Variants in CERS5 observed in about 807,000 individuals in gnomAD.
CERS5 encodes the protein ceramide synthase 5.
CERS5 carries 37 observed loss-of-function variants against 58.9 expected under a neutral mutation model. The observed-to-expected ratio is 0.63, with a 90% CI of 0.48 to 0.83. The LOEUF (loss-of-function observed/expected upper bound fraction) is 0.83, where lower values mean the gene tolerates loss of function less well. CERS5 is among the 40% of genes least tolerant of loss of function. The probability of loss-of-function intolerance (pLI) is 0.00; values close to 1 mark genes in which losing one functional copy is unlikely to be tolerated. For synonymous variants in CERS5, 147 were observed against 177.8 expected (o/e 0.83, Z 1.38); for missense variants, 398 against 489.3 (o/e 0.81, Z 1.76).
At position 50,130,169 on chromosome 12, in the gene CERS5, G is replaced by GAA. The variant is rs1157173444; in HGVS notation, c.*374_*375dup. ...AAGAGCCAAGGGCAAAAAAGAAGGA[G>GAA]AAGTCTGGAGTTGGCATAATTCAAG... is the stretch of plus-strand genomic sequence containing the variant. On this transcript the variant is annotated 3_prime_UTR_variant, in exon 10 of 10. Transcript: ENST00000317551. 1 of 169,740 alleles carries GAA rather than the reference G, an allele frequency of 5.9e-6. No individual in the cohort carries two copies. Among genetic ancestry groups the GAA allele is most frequent in the African/African-American group, 2.4e-5 (1 of 42,054 alleles). The allele number at this position is 169,740 out of a possible 1,614,324, so 10.5% of individuals were successfully genotyped here. A position where few individuals can be genotyped will look rare whatever the true frequency, so the allele number is the denominator to read the frequency against.
intron 1 of CERS5, among the ~76,000 whole-genome samples, chr12:50,158,117 G>A (rs571098442): frequency 8.1e-5 from 12 of 148,092 alleles, no homozygotes; most frequent in Non-Finnish European, 1.8e-4. Context: ...AGGAATGCAT[G>A]TAGATTGTAT....
rs1197474516 is a variant in CERS5 at position 50,156,437 on chromosome 12, T to TATAA, written c.197+10663_197+10664insTTAT. ...CAAACAAACTATATATATATATATA[T>TATAA]AAAACAATTAGTAGCCAGGTGTGGT... On this transcript the variant is annotated intron_variant, in intron 1 of 9. Coordinates refer to ENST00000317551, the MANE Select transcript of CERS5 (RefSeq NM_147190.5). Among the ~76,000 whole-genome samples the TATAA allele has an allele frequency of 6.4e-5, 7 of 108,854 alleles. 1 individual carries two copies. Among genetic ancestry groups the TATAA allele is most frequent in the East Asian group, 2.2e-4 (1 of 4,578 alleles). The allele number at this position is 108,854 out of a possible 152,430, so 71.4% of individuals were successfully genotyped here. A position where few individuals can be genotyped will look rare whatever the true frequency, so the allele number is the denominator to read the frequency against.
chr12:50,134,357 G>A (rs752965278), intron 9 of CERS5, 189 bp downstream of exon 9: 4 of 1,468,074 alleles, frequency 2.7e-6, no homozygotes, highest in Non-Finnish European at 3.6e-6. Context: ...CTGGGTGACA[G>A]AGCAAGACCT....
Position 50,129,576 on chromosome 12 carries a change from G to C in CERS5, c.*969C>G, listed in dbSNP as rs2137962963. On this transcript the variant is annotated 3_prime_UTR_variant, in exon 10 of 10. Coordinates refer to ENST00000317551, the MANE Select transcript of CERS5 (RefSeq NM_147190.5). ...GCTGGAGTGCAGTGGCACGATCTTG[G>C]CTCGCTGCAACCTCTGCCTCCCAGG... The C allele has an allele frequency of 6.8e-6, 1 of 147,550 alleles. No homozygotes were observed. Among genetic ancestry groups the C allele is most frequent in the South Asian group, 2.2e-4 (1 of 4,624 alleles). 9.1% of individuals were successfully genotyped at this position (147,550 alleles called of 1,614,324 possible). A position where few individuals can be genotyped will look rare whatever the true frequency, so the allele number is the denominator to read the frequency against.
At chr12:50,146,491 G>A (rs1221467738) in intron 1 of CERS5, among the ~76,000 whole-genome samples, 3 of 152,150 alleles carry the variant, frequency 2.0e-5, no homozygotes, top group African/African-American at 7.2e-5. Context: ...CTCACATCCT[G>A]CCCTCGTTAG....
intron 5 of CERS5, among the ~76,000 whole-genome samples, chr12:50,138,065 A>T (rs1231139066): frequency 6.6e-6 from 1 of 152,166 alleles, no homozygotes; most frequent in Non-Finnish European, 1.5e-5. Context: ...GTTAACACAT[A>T]CTGTAACACA....
At chr12:50,151,925 C>T (rs1938008229) in intron 1 of CERS5, among the ~76,000 whole-genome samples, 1 of 152,190 alleles carries the variant, frequency 6.6e-6, no homozygotes, top group Non-Finnish European at 1.5e-5. Context: ...GGATTACAGG[C>T]GTGAGTCGCC....
At chr12:50,144,498 T>C (rs994919808) in intron 1 of CERS5, 1 of 321,244 alleles carries the variant, frequency 3.1e-6, no homozygotes, top group Non-Finnish European at 5.7e-6. Flanking sequence ...AAGGAGGTGA[T>C]TAATAAATGG....
At chr12:50,135,489 A>G in intron 8 of CERS5, 1 of 686,282 alleles carries the variant, frequency 1.5e-6, no homozygotes, top group South Asian at 1.5e-5. Context: ...GAAGCCAACC[A>G]AGCCGGGTAC....
At chr12:50,165,870 C>G (rs1373520920) in intron 1 of CERS5, 2 of 445,800 alleles carry the variant, frequency 4.5e-6, no homozygotes, top group Non-Finnish European at 9.0e-6. Flanking sequence ...TCTGAGTAGA[C>G]TTGATCAAAA....
intron 4 of CERS5, 93 bp downstream of exon 4, chr12:50,141,960 A>AAAAAAAAAAAAAAC: frequency 1.3e-6 from 1 of 768,526 alleles, no homozygotes; most frequent in East Asian, 2.8e-5. Context: ...AAAAAAAAAG[A>AAAAAAAAAAAAAAC]AAAGAAAAAA....
chr12:50,151,058 T>C (rs1937902536), intron 1 of CERS5, among the ~76,000 whole-genome samples: 1 of 152,150 alleles, frequency 6.6e-6, no homozygotes, highest in Admixed American at 6.6e-5. Flanking sequence ...CTCAACTTTG[T>C]TCTTCTCATC....
At chr12:50,144,955 G>A in intron 1 of CERS5, 1 of 380,994 alleles carries the variant, frequency 2.6e-6, no homozygotes, top group South Asian at 3.8e-5. Flanking sequence ...TCAACATAGT[G>A]AAACCCCGTC....
chr12:50,147,561 T>A (rs755651206), intron 1 of CERS5, among the ~76,000 whole-genome samples: 3 of 152,130 alleles, frequency 2.0e-5, no homozygotes, highest in Non-Finnish European at 4.4e-5. Context: ...GTCAAAACTA[T>A]CTTCAGAATA....
intron 1 of CERS5, 45 bp downstream of exon 1, chr12:50,167,056 C>T (rs1003743372): frequency 7.0e-7 from 1 of 1,429,208 alleles, no homozygotes; most frequent in Non-Finnish European, 9.3e-7. Flanking sequence ...CGGGGCGCCC[C>T]CGGCCCGCGC....
chr12:50,144,003 A>G lies in CERS5; in HGVS notation c.252T>C (p.Tyr84=). ...LCIGIEDSGP[Y]QAQPNAILEK... Reference sequence around the variant, plus strand: ...CAAGGATGGCATTGGGTTGGGCCTGATAAGGACCACTGTCCTCGATGCCAA... The same window carrying G: ...CAAGGATGGCATTGGGTTGGGCCTGGTAAGGACCACTGTCCTCGATGCCAA... The change falls in exon 2 of 10, where the codon TAT becomes TAC. Residue 84 remains tyrosine (Y), a synonymous_variant. Coordinates refer to ENST00000317551, the MANE Select transcript of CERS5 (RefSeq NM_147190.5). The G allele has an allele frequency of 6.2e-7, 1 of 1,613,502 alleles. No individual in the cohort carries two copies.
intron 4 of CERS5, among the ~76,000 whole-genome samples, chr12:50,139,161 A>G (rs1951838906): frequency 6.6e-6 from 1 of 152,138 alleles, no homozygotes; most frequent in Admixed American, 6.6e-5. Flanking sequence ...CAAACCTTTC[A>G]AAGAATGAAC....
intron 8 of CERS5, chr12:50,135,434 T>C (rs1460705622): frequency 1.7e-6 from 1 of 601,084 alleles, no homozygotes; most frequent in East Asian, 3.5e-5. Context: ...AGGAATTACT[T>C]AGGCATAAAA....
chr12:50,160,831 A>G (rs1939200428), intron 1 of CERS5, among the ~76,000 whole-genome samples: 1 of 152,222 alleles, frequency 6.6e-6, no homozygotes, highest in Non-Finnish European at 1.5e-5. Flanking sequence ...AGAAGCAACA[A>G]GTGGAAGACT....
Sources: allele counts gnomAD v4.1 joint callset (sites outside exome capture counted in the v4.1 genomes callset), GRCh38; gene constraint gnomAD v4.1.1; transcripts MANE v1.5; gene names NCBI Gene and HGNC (gene_info 2026-07-23, HGNC 2026-07-21).